TMEM35A: variants seen among roughly 807,000 people sequenced by gnomAD.
TMEM35A encodes nicotinic acetylcholine receptor chaperone.
For synonymous variants in TMEM35A, 50 were observed against 54.7 expected (o/e 0.91, Z 0.38); for missense variants, 83 against 132.7 (o/e 0.63, Z 1.84).
Position 101,095,116 on chromosome X carries a change from A to G in TMEM35A, c.*160A>G. ...ATTGGCTTGTGTACATCTATATGCT[A>G]AAATGACTTCCCCACATTGACATTT... is the stretch of plus-strand genomic sequence containing the variant. On this transcript the variant is annotated 3_prime_UTR_variant, in exon 2 of 2. Transcript: ENST00000372930. 5 of 568,667 alleles carry G rather than the reference A, an allele frequency of 8.8e-6. No individual in the cohort carries two copies. The South Asian group carries it at 1.8e-4, about 21-fold the overall frequency. 46.9% of individuals were successfully genotyped at this position (568,667 alleles called of 1,213,427 possible).
intron 1 of TMEM35A, among the ~76,000 whole-genome samples, chrX:101,080,400 A>C (rs562983523): frequency 9.8e-5 from 11 of 111,868 alleles, no homozygotes; most frequent in African/African-American, 3.6e-4. Context: ...CTCAGGGTTT[A>C]AGCTGGAGCT....
chrX:101,082,073 C>T (rs146814297), intron 1 of TMEM35A, among the ~76,000 whole-genome samples: 3,451 of 99,724 alleles, frequency 0.035, 150 homozygotes, highest in African/African-American at 0.12. Context: ...TGTTTTACTA[C>T]AAAATCAATT....
rs144682101 is a variant in TMEM35A, at chrX:101,086,952, C to CTTT, written c.121-7602_121-7600dup. Among the ~76,000 whole-genome samples the CTTT allele has an allele frequency of 8.1e-4, 59 of 72,600 alleles. 1 individual carries two copies. Among genetic ancestry groups the CTTT allele is most frequent in the Non-Finnish European group, 1.0e-3 (40 of 39,333 alleles). 63.0% of individuals were successfully genotyped at this position (72,600 alleles called of 115,157 possible). A position where few individuals can be genotyped will look rare whatever the true frequency, so the allele number is the denominator to read the frequency against. Reference sequence around the variant, plus strand: ...TGAGGGGGTTAGCAATAATAGGATTCTTTTTTTTTTTTTTTTTTTTTGAGA... The same window carrying CTTT: ...TGAGGGGGTTAGCAATAATAGGATTCTTTTTTTTTTTTTTTTTTTTTTTTGAGA... On this transcript the variant is annotated intron_variant, in intron 1 of 1. Transcript: ENST00000372930.
chrX:101,090,637 C>T (rs938370456), intron 1 of TMEM35A, among the ~76,000 whole-genome samples: 2 of 110,082 alleles, frequency 1.8e-5, no homozygotes, highest in African/African-American at 6.6e-5. Context: ...AACTCAAAAC[C>T]CCCAAATTGA....
At chrX:101,088,853 C>G (rs1201099355) in intron 1 of TMEM35A, among the ~76,000 whole-genome samples, 1 of 110,206 alleles carries the variant, frequency 9.1e-6, no homozygotes, top group South Asian at 3.9e-4. Flanking sequence ...TGCAGTGAGC[C>G]GAGCCACTGC....
chrX:101,093,192 T>C (rs1355286808), intron 1 of TMEM35A, among the ~76,000 whole-genome samples: 2 of 112,468 alleles, frequency 1.8e-5, no homozygotes, highest in Non-Finnish European at 3.7e-5. Flanking sequence ...AGTATTCATA[T>C]GCATCTGGGT....
chrX:101,092,840 G>A (rs2089327949), intron 1 of TMEM35A, among the ~76,000 whole-genome samples: 1 of 110,954 alleles, frequency 9.0e-6, no homozygotes, highest in African/African-American at 3.3e-5. Context: ...CAGCCTGGGC[G>A]ACAGAGTGAG....
chrX:101,090,476 CATTTTTT>C (rs947148723), intron 1 of TMEM35A, among the ~76,000 whole-genome samples: 9 of 109,556 alleles, frequency 8.2e-5, no homozygotes, highest in African/African-American at 3.0e-4. Context: ...CCTCTCTTTC[CATTTTTT>C]AAATGTCTGT....
chrX:101,078,958 G>A lies in TMEM35A; in HGVS notation c.-45G>A. On this transcript the variant is annotated 5_prime_UTR_variant, in exon 1 of 2. In the 5' UTR this introduces an upstream ATG that the reference lacks. Transcript: ENST00000372930. ...ACTGCCTGCACCTTGGACAGAGCGGGTGCGCAAATCAGAAGGATTAGTTGG... is the reference window on the plus strand; with the variant it reads ...ACTGCCTGCACCTTGGACAGAGCGGATGCGCAAATCAGAAGGATTAGTTGG... 8.3e-7 allele frequency: 1 copy of A among 1,209,351 alleles called. No individual in the cohort carries two copies.
rs1415876677 is a variant in TMEM35A at position 101,095,573 on chromosome X, T to C, written c.*617T>C. On this transcript the variant is annotated 3_prime_UTR_variant, in exon 2 of 2. Coordinates refer to ENST00000372930, the MANE Select transcript of TMEM35A (RefSeq NM_021637.3). ...ATTCAATTTCGGACACTGAGTTATA[T>C]ATGAAATTAATTAGGCTCTAGTCCA... The C allele has an allele frequency of 9.1e-6, 1 of 110,362 alleles. No individual in the cohort carries two copies. Among genetic ancestry groups the C allele is most frequent in the Admixed American group, 9.7e-5 (1 of 10,257 alleles). 9.1% of individuals were successfully genotyped at this position (110,362 alleles called of 1,213,427 possible).
At chrX:101,093,593 C>T (rs776343267) in intron 1 of TMEM35A, among the ~76,000 whole-genome samples, 33 of 111,303 alleles carry the variant, frequency 3.0e-4, no homozygotes, top group Admixed American at 2.9e-3. Context: ...GGATTACAGG[C>T]GTGAGCCACT....
intron 1 of TMEM35A, among the ~76,000 whole-genome samples, chrX:101,093,873 CTG>C (rs1210488539): frequency 9.0e-6 from 1 of 111,429 alleles, no homozygotes; most frequent in East Asian, 2.8e-4. Context: ...TGCCTTCTAA[CTG>C]TGTCCTCACA....
At chrX:101,092,327 C>T (rs7884278) in intron 1 of TMEM35A, among the ~76,000 whole-genome samples, 7,485 of 111,677 alleles carry the variant, frequency 0.067, 645 homozygotes, top group African/African-American at 0.23. Context: ...AAATGAGGAA[C>T]AGGCCAAAAT....
intron 1 of TMEM35A, among the ~76,000 whole-genome samples, chrX:101,085,295 A>C (rs2089303762): frequency 1.8e-5 from 2 of 111,884 alleles, no homozygotes; most frequent in South Asian, 7.4e-4. Context: ...AAAGGAAAAA[A>C]AGGTATGACT....
chrX:101,079,289 G>A (rs1393517156), intron 1 of TMEM35A, among the ~76,000 whole-genome samples, 167 bp downstream of exon 1: 1 of 110,984 alleles, frequency 9.0e-6, no homozygotes, highest in African/African-American at 3.3e-5. Context: ...GGGCAAGAGC[G>A]ATTTCTTTTG....
intron 1 of TMEM35A, among the ~76,000 whole-genome samples, chrX:101,091,923 T>C (rs1285412935): frequency 1.8e-5 from 2 of 111,650 alleles, no homozygotes; most frequent in African/African-American, 6.5e-5. Flanking sequence ...CTTTTAAGAT[T>C]CCACTCCAAA....
intron 1 of TMEM35A, among the ~76,000 whole-genome samples, chrX:101,090,327 A>AT (rs1199957258): frequency 0.071 from 4,701 of 66,172 alleles, 348 homozygotes; most frequent in African/African-American, 0.21. Context: ...TAATTTTTGT[A>AT]TTTTTTTTTT....
At chrX:101,084,511 A>G (rs1446213805) in intron 1 of TMEM35A, among the ~76,000 whole-genome samples, 1 of 111,454 alleles carries the variant, frequency 9.0e-6, no homozygotes, top group African/African-American at 3.3e-5. Flanking sequence ...TGCACATAGC[A>G]TAAGTATGCA....
intron 1 of TMEM35A, among the ~76,000 whole-genome samples, chrX:101,084,188 C>CAAA (rs746718674): frequency 0.01 from 317 of 30,475 alleles, no homozygotes; most frequent in East Asian, 0.015. Flanking sequence ...AACTCCATCT[C>CAAA]AAAAAAAAAA....
Sources: allele counts gnomAD v4.1 joint callset (sites outside exome capture counted in the v4.1 genomes callset), GRCh38; gene constraint gnomAD v4.1.1; transcripts MANE v1.5; gene names NCBI Gene and HGNC (gene_info 2026-07-23, HGNC 2026-07-21).